The following CREB3L1 variants were observed in gnomAD, a reference collection of about 807,000 sequenced individuals.
CREB3L1 encodes cyclic AMP-responsive element-binding protein 3-like protein 1.
Under a neutral mutation model 54.5 loss-of-function variants are expected in CREB3L1, and 33 were observed. The observed-to-expected ratio is 0.61, with a 90% confidence interval of 0.46 to 0.81. CREB3L1 has a LOEUF of 0.81. Among genes scored for constraint, CREB3L1 ranks in the 30% least tolerant of loss-of-function variants. CREB3L1 has a pLI of 0.00. For synonymous variants in CREB3L1, 284 were observed against 286.4 expected (o/e 0.99, Z 0.08); for missense variants, 656 against 673.3 (o/e 0.97, Z 0.29).
chr11:46,291,845 G>A (rs1466036597), intron 1 of CREB3L1, among the ~76,000 whole-genome samples: 4 of 152,190 alleles, frequency 2.6e-5, no homozygotes, highest in Non-Finnish European at 5.9e-5. Flanking sequence ...AGTAAATAAG[G>A]AGAGAGAATA....
chr11:46,319,137 AGGCAGTGGGTTTTAGGCCCAGGACCTG>A (rs1339815029), intron 10 of CREB3L1, among the ~76,000 whole-genome samples: 1 of 152,208 alleles, frequency 6.6e-6, no homozygotes, highest in African/African-American at 2.4e-5. Flanking sequence ...CTTGGAGGGA[AGGCAGTGGGTTTTAGGCCCAGGACCTG>A]GGCTGGGTGG....
At chr11:46,319,335 G>T (rs1307849716) in intron 10 of CREB3L1, among the ~76,000 whole-genome samples, 1 of 152,188 alleles carries the variant, frequency 6.6e-6, no homozygotes, top group Admixed American at 6.5e-5. Flanking sequence ...ACCTGGGTTC[G>T]CATCCTCCCT....
chr11:46,283,392 C>T lies in CREB3L1; in HGVS notation c.102+5179C>T, dbSNP rs145025937. On this transcript the variant is annotated intron_variant, in intron 1 of 11. Coordinates refer to ENST00000621158, the MANE Select transcript of CREB3L1 (RefSeq NM_052854.4). ...GAGTACCACAGGAGCATGAGGCAGT[C>T]ACTTTTTTTTACCAGCCCCATAGAG... Among the ~76,000 whole-genome samples the T allele has an allele frequency of 4.2e-3, 640 of 152,248 alleles. 3 individuals carry two copies. The highest frequency in any genetic ancestry group is 0.015 in the African/African-American group (603 of 41,530).
At chr11:46,306,398 G>A (rs899783106) in intron 2 of CREB3L1, among the ~76,000 whole-genome samples, 21 of 152,036 alleles carry the variant, frequency 1.4e-4, no homozygotes, top group Non-Finnish European at 2.4e-4. Context: ...CAGCTACTTA[G>A]GAGGCTGTGG....
At chr11:46,318,113 AG>A (rs552977481) in intron 10 of CREB3L1, among the ~76,000 whole-genome samples, 1 of 152,072 alleles carries the variant, frequency 6.6e-6, no homozygotes, top group South Asian at 2.1e-4. Flanking sequence ...GCTACTTGAG[AG>A]GGGTGAGACA....
intron 2 of CREB3L1, among the ~76,000 whole-genome samples, chr11:46,304,861 C>G (rs891359250): frequency 7.9e-5 from 12 of 152,242 alleles, no homozygotes; most frequent in African/African-American, 2.2e-4. Flanking sequence ...CCAGCTCCCA[C>G]GTCTATTTTT....
chr11:46,300,805 A>G (rs1449954174), intron 2 of CREB3L1, among the ~76,000 whole-genome samples: 2 of 151,888 alleles, frequency 1.3e-5, no homozygotes, highest in African/African-American at 2.4e-5. Context: ...GGAGATCGAG[A>G]CCATCCTGGC....
At position 46,307,978 on chromosome 11, in the gene CREB3L1, C is replaced by T. The variant is rs1235317539; in HGVS notation, c.494C>T (p.Ser165Phe). The change falls in exon 3 of 12, where the codon TCC becomes TTC. Residue 165 changes from serine (S) to phenylalanine (F), a missense_variant. Physicochemically the swap from Ser to Phe is radical, Grantham distance 155. Around this residue, in one of 3 missense-constraint regions of CREB3L1, gnomAD observed 339 missense variants for 331.5 expected, o/e 1.02. Coordinates refer to ENST00000621158, the MANE Select transcript of CREB3L1 (RefSeq NM_052854.4). ...CCGCTGCTGGGCCTCAGCCCCTTGT[C>T]CAGGCTGCCCATCCCCCACCAGGTG... ...TTPLLGLSPL[S>F]RLPIPHQAPG... is the part of the protein sequence containing the mutation. 1.0e-5 allele frequency: 16 copies of T among 1,553,550 alleles called. No homozygotes were observed. The highest frequency in any genetic ancestry group is 2.0e-4 in the Middle Eastern group (1 of 4,904).
At chr11:46,317,325 A>G in intron 9 of CREB3L1, 36 bp from the exon 10 acceptor site, 1 of 1,611,850 alleles carries the variant, frequency 6.2e-7, no homozygotes, top group Non-Finnish European at 8.5e-7. Flanking sequence ...GCCCCTCCTT[A>G]CCCCAGATCT....
rs1028793715 is a variant in CREB3L1 at position 46,320,423 on chromosome 11, A to G, written c.1418A>G (p.Asp473Gly). The stretch of plus-strand genomic sequence containing the variant: ...GACCACCTGCAGCATGATCACCTGG[A>G]CAGCACCCACGAGACCACCAAGTAC... ...PRDHLQHDHL[D>G]STHETTKYLS... The change falls in exon 11 of 12, where the codon GAC becomes GGC. Residue 473 changes from aspartate (D) to glycine (G), a missense_variant. This residue lies in a region of CREB3L1 where 240 missense variants were observed against 219.8 expected (regional missense o/e 1.09). Transcript: ENST00000621158. 2.5e-6 allele frequency: 4 copies of G among 1,611,028 alleles called. No individual in the cohort carries two copies. In the African/African-American group the frequency reaches 5.3e-5, roughly 22 times the overall value.
rs763405713 is a variant in CREB3L1 at position 46,321,247 on chromosome 11, C to T, written c.*501C>T. On this transcript the variant is annotated 3_prime_UTR_variant, in exon 12 of 12. Transcript: ENST00000621158. ...TGTTTTATATTTTATGAAGTTAGTG[C>T]GGGCTTTGCTGCTCCCTGGCCCAGG... The T allele has an allele frequency of 2.0e-5, 6 of 306,496 alleles. No homozygotes were observed. The highest frequency in any genetic ancestry group is 6.1e-5 in the African/African-American group (3 of 48,940). The allele number at this position is 306,496 out of a possible 1,614,324, so 19.0% of individuals were successfully genotyped here.
At position 46,311,976 on chromosome 11, in the gene CREB3L1, C is replaced by T. The variant is rs1263063296; in HGVS notation, c.754-349C>T. 1.3e-5 allele frequency among the ~76,000 whole-genome samples: 2 copies of T among 152,072 alleles called. 1 individual carries two copies. Among genetic ancestry groups the T allele is most frequent in the East Asian group, 3.9e-4 (2 of 5,192 alleles). ...GGAAACATGGAGCTAGGCCCTGAGC[C>T]CTGGGATGGGTGTGGAGTCTCCCAA... On this transcript the variant is annotated intron_variant, in intron 5 of 11. Coordinates refer to ENST00000621158, the MANE Select transcript of CREB3L1 (RefSeq NM_052854.4).
chr11:46,286,470 A>T (rs1424991473), intron 1 of CREB3L1, among the ~76,000 whole-genome samples: 1 of 152,236 alleles, frequency 6.6e-6, no homozygotes. Flanking sequence ...ATAAAGTATA[A>T]TAAAATTAAT....
intron 3 of CREB3L1, among the ~76,000 whole-genome samples, 191 bp downstream of exon 3, chr11:46,308,191 C>A (rs1939430949): frequency 1.3e-5 from 2 of 152,044 alleles, no homozygotes; most frequent in East Asian, 3.9e-4. Context: ...CACCATACCG[C>A]AACGGGCACA....
intron 10 of CREB3L1, 117 bp downstream of exon 10, chr11:46,317,604 AT>A: frequency 7.9e-7 from 1 of 1,268,660 alleles, no homozygotes; most frequent in Non-Finnish European, 1.1e-6. Flanking sequence ...GCATTATCTC[AT>A]TTTGCCTCAT....
At chr11:46,296,474 G>A (rs188115437) in intron 1 of CREB3L1, among the ~76,000 whole-genome samples, 5 of 152,274 alleles carry the variant, frequency 3.3e-5, no homozygotes, top group Non-Finnish European at 5.9e-5. Flanking sequence ...AAATAGGAGG[G>A]GGGGAACGAG....
rs1938910950 is a variant in CREB3L1 at position 46,278,332 on chromosome 11, C to A, written c.102+119C>A. ...GGCAGGAGCCGGGGAGAGGGTTCAGCGCAGGGTCTCCAGGAGCGACATGTG... is the reference window on the plus strand; with the variant it reads ...GGCAGGAGCCGGGGAGAGGGTTCAGAGCAGGGTCTCCAGGAGCGACATGTG... On this transcript the variant is annotated intron_variant, in intron 1 of 11. Transcript: ENST00000621158. This position sits in a 1 kb window ranked among gnomAD's most constrained non-coding sequence, Gnocchi z 4.2. The A allele has an allele frequency of 3.3e-6, 2 of 600,784 alleles. No individual in the cohort carries two copies. The highest frequency in any genetic ancestry group is 2.2e-5 in the South Asian group (1 of 46,304). 37.2% of individuals were successfully genotyped at this position (600,784 alleles called of 1,614,324 possible). A position where few individuals can be genotyped will look rare whatever the true frequency, so the allele number is the denominator to read the frequency against.
chr11:46,293,811 G>A (rs1939164837), intron 1 of CREB3L1, among the ~76,000 whole-genome samples: 1 of 152,234 alleles, frequency 6.6e-6, no homozygotes, highest in Non-Finnish European at 1.5e-5. Context: ...GTGTGTGACA[G>A]CGAGTATGCG....
At chr11:46,281,373 C>T (rs972716853) in intron 1 of CREB3L1, among the ~76,000 whole-genome samples, 19 of 152,248 alleles carry the variant, frequency 1.2e-4, no homozygotes, top group African/African-American at 4.1e-4. Flanking sequence ...GGTCTGTGTG[C>T]TGTCCCCTCC....
Sources: gnomAD v4.1 joint callset for allele counts (sites outside exome capture counted in the v4.1 genomes callset) on GRCh38, gnomAD v4.1.1 for gene constraint, gnomAD v4.1.1 regional missense constraint, Gnocchi (gnomAD v3.1) non-coding constraint, MANE v1.5 for transcripts, NCBI Gene and HGNC (gene_info 2026-07-23, HGNC 2026-07-21) for gene names.